The following MAOB variants were observed in gnomAD, a reference collection of about 807,000 sequenced individuals.
The protein encoded by MAOB is monoamine oxidase B, also known as amine oxidase [flavin-containing] B.
Under a neutral mutation model 41.9 loss-of-function variants are expected in MAOB, and 15 were observed. The observed-to-expected ratio is 0.36, with a 90% CI of 0.24 to 0.55. MAOB has a LOEUF of 0.55. MAOB is among the 20% of genes least tolerant of loss of function. MAOB has a pLI of 0.86. For missense variants in MAOB, 345 were observed against 398.7 expected, an observed-to-expected ratio of 0.87 and a Z score of 1.15; for synonymous variants, 167 against 144.2, an observed-to-expected ratio of 1.16 and a Z score of -1.13.
chrX:43,779,098 C>T (rs2034297505), intron 10 of MAOB, among the ~76,000 whole-genome samples: 1 of 111,875 alleles, frequency 8.9e-6, no homozygotes. Flanking sequence ...CCCTCCCTCT[C>T]TTCTTTCTCT....
intron 11 of MAOB, among the ~76,000 whole-genome samples, chrX:43,776,967 C>T (rs2034267683): frequency 9.0e-6 from 1 of 111,179 alleles, no homozygotes; most frequent in Non-Finnish European, 1.9e-5. Context: ...GCATAGTATT[C>T]CATGGTGTAT....
intron 5 of MAOB, among the ~76,000 whole-genome samples, chrX:43,800,583 C>T (rs1187349555): frequency 9.0e-6 from 1 of 110,647 alleles, no homozygotes; most frequent in African/African-American, 3.3e-5. Flanking sequence ...ACAGGAGAGG[C>T]ATAAAGATGT....
At chrX:43,792,131 T>C (rs1396880248) in intron 8 of MAOB, among the ~76,000 whole-genome samples, 1 of 112,353 alleles carries the variant, frequency 8.9e-6, no homozygotes, top group Non-Finnish European at 1.9e-5. Context: ...TGGGGGAGGA[T>C]TAAATAAACC....
intron 1 of MAOB, among the ~76,000 whole-genome samples, chrX:43,867,292 T>C (rs965412356): frequency 4.5e-5 from 5 of 111,857 alleles, no homozygotes; most frequent in African/African-American, 1.6e-4. Flanking sequence ...AGGAGACTGG[T>C]GGAGCACTAG....
intron 1 of MAOB, among the ~76,000 whole-genome samples, chrX:43,866,005 A>T (rs1233613010): frequency 9.0e-6 from 1 of 110,880 alleles, no homozygotes; most frequent in African/African-American, 3.3e-5. Flanking sequence ...TTCAAAGTGG[A>T]TCAGTGTAGC....
chrX:43,834,135 C>A (rs1426707283), intron 3 of MAOB, among the ~76,000 whole-genome samples: 1 of 111,792 alleles, frequency 8.9e-6, no homozygotes, highest in Non-Finnish European at 1.9e-5. Context: ...TTCATTAAGC[C>A]CACTTCAGAA....
chrX:43,822,461 G>T lies in MAOB; in HGVS notation c.279+16407C>A, dbSNP rs1302556337. The stretch of plus-strand genomic sequence containing the variant: ...GATGCTGGGAAGATTCTGATTAGAA[G>T]AATATTCTGAAGACTAGTCGAGAGA... On this transcript the variant is annotated intron_variant, in intron 3 of 14. Transcript: ENST00000378069. Among the ~76,000 whole-genome samples, 4 of 111,666 alleles carry T rather than the reference G, an allele frequency of 3.6e-5. No individual in the cohort carries two copies. The East Asian group carries it at 1.1e-3, about 32-fold the overall frequency.
rs1356712032 is a variant in MAOB, at chrX:43,843,952, G to A, written c.47-188C>T. 38 of 969,030 alleles carry A rather than the reference G, an allele frequency of 3.9e-5. No homozygotes were observed. The East Asian group carries it at 1.5e-3, about 38-fold the overall frequency. 79.9% of individuals were successfully genotyped at this position (969,030 alleles called of 1,213,427 possible). ...TGATGTTTCTGGAAACGACAAAAGG[G>A]ATTTCATTTTTTAGTAAATTTCTCA... On this transcript the variant is annotated intron_variant, in intron 1 of 14. Transcript: ENST00000378069.
intron 1 of MAOB, among the ~76,000 whole-genome samples, chrX:43,856,106 T>C (rs1048338688): frequency 3.6e-5 from 4 of 111,878 alleles, no homozygotes; most frequent in African/African-American, 1.3e-4. Context: ...TCTTTGGAGA[T>C]GGAGTCTTGC....
intron 11 of MAOB, among the ~76,000 whole-genome samples, chrX:43,775,638 G>GA (rs2034245968): frequency 9.0e-6 from 1 of 111,506 alleles, no homozygotes; most frequent in Admixed American, 9.5e-5. Flanking sequence ...GACTGGATAG[G>GA]AAAAAAAGAC....
chrX:43,836,499 A>C (rs2035073684), intron 3 of MAOB, among the ~76,000 whole-genome samples: 1 of 112,226 alleles, frequency 8.9e-6, no homozygotes, highest in East Asian at 2.8e-4. Context: ...TATTTTTTCA[A>C]TTTGTCTCAT....
chrX:43,851,025 C>T (rs200859127), intron 1 of MAOB, among the ~76,000 whole-genome samples: 1 of 112,023 alleles, frequency 8.9e-6, no homozygotes, highest in Non-Finnish European at 1.9e-5. Flanking sequence ...TTTGTCTCTA[C>T]CCTTTGTTGT....
intron 10 of MAOB, among the ~76,000 whole-genome samples, chrX:43,778,979 A>G (rs2034295933): frequency 8.9e-6 from 1 of 112,011 alleles, no homozygotes; most frequent in African/African-American, 3.2e-5. Flanking sequence ...GTAAAGTGAC[A>G]TGTTGCCTGA....
intron 12 of MAOB, among the ~76,000 whole-genome samples, chrX:43,773,246 C>T (rs2034208503): frequency 8.9e-6 from 1 of 112,192 alleles, no homozygotes; most frequent in Non-Finnish European, 1.9e-5. Flanking sequence ...TAGCCTGTGC[C>T]TCTGTGTGTT....
In MAOB at chrX:43,769,311, C is replaced by A. The variant is rs1214624832; in HGVS notation, c.1343G>T (p.Arg448Leu). The A allele has an allele frequency of 5.8e-6, 7 of 1,205,450 alleles. No homozygotes were observed. Among genetic ancestry groups the A allele is most frequent in the Non-Finnish European group, 7.8e-6 (7 of 893,107 alleles). ...GAVEAGERAA[R>L]EILHAMGKIP... The stretch of plus-strand genomic sequence containing the variant: ...ATCTATGACCCCAGACCCTACCTCT[C>A]GGGCTGCTCTCTCCCCGGCCTCTAC... The change falls in exon 13 of 15, where the codon CGA becomes CTA. Residue 448 changes from arginine to leucine, a missense_variant. By Grantham distance (102) the Arg-to-Leu change is moderately radical (BLOSUM62 -2). Coordinates refer to ENST00000378069, the MANE Select transcript of MAOB (RefSeq NM_000898.5).
chrX:43,788,955 A>T (rs943624498), intron 8 of MAOB, among the ~76,000 whole-genome samples: 2 of 111,273 alleles, frequency 1.8e-5, no homozygotes, highest in Non-Finnish European at 3.8e-5. Flanking sequence ...AATGTTTGAG[A>T]CAAGAAGTGT....
At position 43,790,585 on chromosome X, in the gene MAOB, C is replaced by CT. The variant is rs1243574590; in HGVS notation, c.928+2833dup. 8.8e-3 allele frequency among the ~76,000 whole-genome samples: 930 copies of CT among 105,137 alleles called. 10 individuals are homozygous for CT. The highest frequency in any genetic ancestry group is 0.029 in the African/African-American group (847 of 29,182). The allele number at this position is 105,137 out of a possible 115,157, so 91.3% of individuals were successfully genotyped here. ...GGTGAGGCTATCTCATGTCAACAAA[C>CT]TTTTTTTTTTTTGAGATAGAGATGG... On this transcript the variant is annotated intron_variant, in intron 8 of 14. Coordinates refer to ENST00000378069, the MANE Select transcript of MAOB (RefSeq NM_000898.5).
chrX:43,858,137 C>T (rs2035310525), intron 1 of MAOB, among the ~76,000 whole-genome samples: 1 of 111,650 alleles, frequency 9.0e-6, no homozygotes, highest in Non-Finnish European at 1.9e-5. Context: ...GGCTTTCTGT[C>T]AACCCACTGA....
At chrX:43,780,874 G>C (rs1482491181) in intron 9 of MAOB, among the ~76,000 whole-genome samples, 2 of 111,670 alleles carry the variant, frequency 1.8e-5, no homozygotes, top group Admixed American at 9.5e-5. Context: ...TGATCTCTCT[G>C]TTCTGACTGT....
Sources: allele counts gnomAD v4.1 joint callset (sites outside exome capture counted in the v4.1 genomes callset), GRCh38; gene constraint gnomAD v4.1.1; transcripts MANE v1.5; gene names NCBI Gene and HGNC (gene_info 2026-07-23, HGNC 2026-07-21).